Variants in TMEM135 observed in about 807,000 individuals in gnomAD.
The protein encoded by TMEM135 is peroxisomal membrane protein 52.
TMEM135 carries 30 observed loss-of-function variants against 60.3 expected under a neutral mutation model. The observed-to-expected ratio is 0.50, with a 90% CI of 0.37 to 0.68. TMEM135 has a LOEUF of 0.68. TMEM135 is among the 30% of genes least tolerant of loss of function. The probability of loss-of-function intolerance (pLI) is 0.00; values close to 1 mark genes in which losing one functional copy is unlikely to be tolerated. For synonymous variants in TMEM135, 190 were observed against 186.7 expected, an observed-to-expected ratio of 1.02 and a Z score of -0.14; for missense variants, 468 against 548.8, an observed-to-expected ratio of 0.85 and a Z score of 1.47.
intron 9 of TMEM135, among the ~76,000 whole-genome samples, chr11:87,308,719 T>C (rs899585656): frequency 6.6e-6 from 1 of 152,196 alleles, no homozygotes; most frequent in African/African-American, 2.4e-5. Context: ...GTTTCAATAT[T>C]AATTACTTAC....
At chr11:87,211,380 G>A (rs1366909850) in intron 5 of TMEM135, among the ~76,000 whole-genome samples, 2 of 152,062 alleles carry the variant, frequency 1.3e-5, no homozygotes, top group Non-Finnish European at 2.9e-5. Flanking sequence ...TATATCCTTG[G>A]TCTTATATTG....
chr11:87,087,203 A>G (rs1161131975), intron 3 of TMEM135, among the ~76,000 whole-genome samples: 1 of 151,874 alleles, frequency 6.6e-6, no homozygotes, highest in East Asian at 1.9e-4. Flanking sequence ...GGCTGCTGAC[A>G]TGCCCAGATA....
intron 5 of TMEM135, among the ~76,000 whole-genome samples, chr11:87,217,482 A>T (rs931814828): frequency 1.1e-4 from 16 of 152,200 alleles, no homozygotes; most frequent in Admixed American, 4.6e-4. Flanking sequence ...TTCAAATAGA[A>T]CTGTTCTAAA....
intron 6 of TMEM135, among the ~76,000 whole-genome samples, chr11:87,251,501 G>T (rs1256292543): frequency 2.0e-5 from 3 of 152,194 alleles, no homozygotes; most frequent in South Asian, 2.1e-4. Context: ...TAACATGTGG[G>T]CCTCATAGGT....
At chr11:87,293,401 C>CA (rs35864901) in intron 6 of TMEM135, among the ~76,000 whole-genome samples, 21,072 of 151,186 alleles carry the variant, frequency 0.14, 1,846 homozygotes, top group East Asian at 0.26. Flanking sequence ...CTTAAAAAAA[C>CA]AACAAAAAAC....
intron 1 of TMEM135, among the ~76,000 whole-genome samples, chr11:87,058,754 G>A (rs1949917825): frequency 6.6e-6 from 1 of 151,510 alleles, no homozygotes; most frequent in Non-Finnish European, 1.5e-5. Flanking sequence ...CGAGTAGCTG[G>A]GACTACAGGC....
intron 7 of TMEM135, among the ~76,000 whole-genome samples, chr11:87,299,588 T>TA (rs1457012735): frequency 1.3e-5 from 2 of 152,196 alleles, no homozygotes; most frequent in East Asian, 1.9e-4. Context: ...CACTGATAGA[T>TA]ATACTTAGTG....
intron 5 of TMEM135, among the ~76,000 whole-genome samples, chr11:87,159,267 A>G (rs1439354730): frequency 6.6e-6 from 1 of 152,190 alleles, no homozygotes; most frequent in Non-Finnish European, 1.5e-5. Context: ...TATTTCTTAC[A>G]TTTTAAGAGC....
intron 7 of TMEM135, among the ~76,000 whole-genome samples, chr11:87,298,939 T>C (rs1942396617): frequency 6.6e-6 from 1 of 151,614 alleles, no homozygotes; most frequent in Admixed American, 6.6e-5. Flanking sequence ...TACAAAAAAA[T>C]TAGCTGGGTG....
chr11:87,258,969 A>T (rs899659467), intron 6 of TMEM135: 11 of 1,524,602 alleles, frequency 7.2e-6, no homozygotes, highest in African/African-American at 6.8e-5. Flanking sequence ...GCATCTTCTC[A>T]GTCTCAAAGA....
chr11:87,155,605 G>T (rs1938674724), intron 4 of TMEM135, among the ~76,000 whole-genome samples: 1 of 152,128 alleles, frequency 6.6e-6, no homozygotes, highest in Non-Finnish European at 1.5e-5. Flanking sequence ...TGACTGAGGA[G>T]ATGAAAGGAA....
chr11:87,270,063 T>C (rs1440732783), intron 6 of TMEM135, among the ~76,000 whole-genome samples: 1 of 137,762 alleles, frequency 7.3e-6, no homozygotes, highest in Non-Finnish European at 1.6e-5. Flanking sequence ...GGTATCTCAT[T>C]GTGGTTTTGA....
intron 6 of TMEM135, among the ~76,000 whole-genome samples, chr11:87,280,775 C>G (rs967570459): frequency 6.6e-6 from 1 of 152,162 alleles, no homozygotes; most frequent in Non-Finnish European, 1.5e-5. Flanking sequence ...ATTGTCAACT[C>G]TTTATAAATA....
intron 6 of TMEM135, among the ~76,000 whole-genome samples, chr11:87,291,598 C>A (rs946054184): frequency 6.7e-5 from 8 of 118,704 alleles, no homozygotes; most frequent in African/African-American, 2.5e-4. Flanking sequence ...ATGGTGTGAT[C>A]TTGGCTCATT....
At chr11:87,171,344 T>TG (rs79202920) in intron 5 of TMEM135, among the ~76,000 whole-genome samples, 14 of 148,970 alleles carry the variant, frequency 9.4e-5, no homozygotes, top group Admixed American at 4.0e-4. Flanking sequence ...TAGTGTTTTT[T>TG]TTTTTTTTAA....
At chr11:87,262,520 C>G (rs1259142198) in intron 6 of TMEM135, among the ~76,000 whole-genome samples, 1 of 152,158 alleles carries the variant, frequency 6.6e-6, no homozygotes, top group Non-Finnish European at 1.5e-5. Context: ...TTTCCTACCT[C>G]TACCTATTTT....
intron 4 of TMEM135, among the ~76,000 whole-genome samples, chr11:87,122,506 G>T (rs1361059063): frequency 6.7e-6 from 1 of 149,204 alleles, no homozygotes; most frequent in African/African-American, 2.5e-5. Flanking sequence ...TGTTGCCCAG[G>T]CTGGAGTGCA....
rs1182680138 is a variant in TMEM135 at position 87,071,529 on chromosome 11, A to T, written c.276A>T (p.Ile92=). The T allele has an allele frequency of 6.2e-7, 1 of 1,613,756 alleles. No individual in the cohort carries two copies. The highest frequency in any genetic ancestry group is 1.3e-5 in the African/African-American group (1 of 74,936). The part of the protein sequence containing the change: ...YMAFFCILRK[I]LGKFYSWTPG... Reference sequence around the variant, plus strand: ...TTCCAAATTTGAATTTCAGGAAGATACTTGGAAAATTCTACTCATGGACTC... The same window carrying T: ...TTCCAAATTTGAATTTCAGGAAGATTCTTGGAAAATTCTACTCATGGACTC... The change falls in exon 3 of 15, where the codon ATA becomes ATT. Residue 92 remains isoleucine, a synonymous_variant. Transcript: ENST00000305494.
intron 5 of TMEM135, among the ~76,000 whole-genome samples, chr11:87,179,721 G>A (rs1037132363): frequency 5.3e-5 from 8 of 152,128 alleles, no homozygotes; most frequent in African/African-American, 1.9e-4. Context: ...TTAAAAAACA[G>A]TTGACCATAA....
Sources: allele counts gnomAD v4.1 joint callset (sites outside exome capture counted in the v4.1 genomes callset), GRCh38; gene constraint gnomAD v4.1.1; transcripts MANE v1.5; gene names NCBI Gene and HGNC (gene_info 2026-07-23, HGNC 2026-07-21).